ALK: variants seen among roughly 807,000 people sequenced by gnomAD.
ALK encodes ALK receptor tyrosine kinase, also known as ALK tyrosine kinase receptor.
Under a neutral mutation model 163.1 loss-of-function variants are expected in ALK, and 74 were observed. The observed-to-expected ratio is 0.45, with a 90% confidence interval of 0.38 to 0.55. The LOEUF (loss-of-function observed/expected upper bound fraction) is 0.55, where lower values mean the gene tolerates loss of function less well. Ranked by LOEUF, ALK falls within the 20% of genes least tolerant of loss-of-function variation. The pLI is 0.00. For synonymous variants in ALK, 960 were observed against 843.2 expected (o/e 1.14, Z -2.40); for missense variants, 2,063 against 2,105.3 (o/e 0.98, Z 0.39).
At chr2:29,760,708 T>C (rs1680676565) in intron 1 of ALK, among the ~76,000 whole-genome samples, 1 of 152,074 alleles carries the variant, frequency 6.6e-6, no homozygotes, top group African/African-American at 2.4e-5. Context: ...CTTACAGACA[T>C]TATTGTTGGG....
At chr2:29,674,658 A>G (rs1232883874) in intron 3 of ALK, among the ~76,000 whole-genome samples, 1 of 151,560 alleles carries the variant, frequency 6.6e-6, no homozygotes, top group Non-Finnish European at 1.5e-5. Flanking sequence ...TGTCTCTGCC[A>G]GGCTTTGGTA....
At chr2:29,904,126 T>G (rs1342147776) in intron 1 of ALK, among the ~76,000 whole-genome samples, 1 of 152,200 alleles carries the variant, frequency 6.6e-6, no homozygotes, top group African/African-American at 2.4e-5. Context: ...TTTTTAAATT[T>G]TCCTAGTTAG....
intron 4 of ALK, among the ~76,000 whole-genome samples, chr2:29,450,006 A>C (rs1670781608): frequency 6.6e-6 from 1 of 152,148 alleles, no homozygotes; most frequent in Admixed American, 6.5e-5. Context: ...ATAGGAAGAC[A>C]AAGTGTCAAA....
intron 1 of ALK, among the ~76,000 whole-genome samples, chr2:29,743,390 T>C (rs150819150): frequency 0.012 from 1,788 of 152,336 alleles, 8 homozygotes; most frequent in Non-Finnish European, 0.019. Context: ...CAGTCAGTTA[T>C]GTACATAAGA....
At chr2:29,252,838 T>A (rs529681436) in intron 11 of ALK, among the ~76,000 whole-genome samples, 197 of 152,080 alleles carry the variant, frequency 1.3e-3, no homozygotes, top group Middle Eastern at 6.8e-3. Flanking sequence ...TTTATTTATT[T>A]TTTTTTAGAC....
At chr2:29,407,835 T>C (rs1174199854) in intron 4 of ALK, among the ~76,000 whole-genome samples, 1 of 152,220 alleles carries the variant, frequency 6.6e-6, no homozygotes, top group Non-Finnish European at 1.5e-5. Flanking sequence ...TAGCTGCTCA[T>C]CGCATCACCT....
At chr2:29,708,130 C>T (rs565381677) in intron 2 of ALK, among the ~76,000 whole-genome samples, 9 of 152,252 alleles carry the variant, frequency 5.9e-5, no homozygotes, top group East Asian at 1.9e-4. Flanking sequence ...TGCAATGGTG[C>T]AGTCTCAGCT....
chr2:29,827,950 T>C (rs932580065), intron 1 of ALK, among the ~76,000 whole-genome samples: 7 of 152,202 alleles, frequency 4.6e-5, no homozygotes, highest in African/African-American at 1.4e-4. Flanking sequence ...AACAGCACGG[T>C]ACTGGTACCA....
At chr2:29,602,972 T>C (rs1675420296) in intron 3 of ALK, among the ~76,000 whole-genome samples, 1 of 152,194 alleles carries the variant, frequency 6.6e-6, no homozygotes, top group African/African-American at 2.4e-5. Flanking sequence ...AAGATATACA[T>C]TGATTCTGTC....
intron 3 of ALK, among the ~76,000 whole-genome samples, chr2:29,654,123 C>A (rs1377060430): frequency 6.6e-6 from 1 of 152,130 alleles, no homozygotes; most frequent in Non-Finnish European, 1.5e-5. Context: ...CACATTATGT[C>A]ACTGGCATAG....
chr2:29,287,026 C>CT (rs1359254733), intron 9 of ALK, among the ~76,000 whole-genome samples: 2 of 151,710 alleles, frequency 1.3e-5, no homozygotes, highest in African/African-American at 4.8e-5. Flanking sequence ...GGCCATGTGA[C>CT]TTTTTTTACA....
At chr2:29,891,406 C>T (rs1667141780) in intron 1 of ALK, among the ~76,000 whole-genome samples, 1 of 152,144 alleles carries the variant, frequency 6.6e-6, no homozygotes, top group African/African-American at 2.4e-5. Context: ...ATGTGGGTAA[C>T]ACTATGCATC....
At chr2:29,311,157 C>T (rs1382844050) in intron 8 of ALK, among the ~76,000 whole-genome samples, 9 of 152,212 alleles carry the variant, frequency 5.9e-5, no homozygotes, top group African/African-American at 2.2e-4. Context: ...GAGGTTTCAG[C>T]ACCAGGGTGA....
intron 13 of ALK, 122 bp from the exon 14 acceptor site, chr2:29,233,818 T>C: frequency 7.6e-7 from 1 of 1,310,470 alleles, no homozygotes; most frequent in Non-Finnish European, 1.1e-6. Context: ...ACAGTTGAGT[T>C]GAGGAGGCAG....
chr2:29,300,288 C>T (rs1244796238), intron 8 of ALK, among the ~76,000 whole-genome samples: 1 of 152,164 alleles, frequency 6.6e-6, no homozygotes, highest in East Asian at 1.9e-4. Flanking sequence ...GTGGCTCACA[C>T]CTGTAATCCC....
At chr2:29,880,103 A>G (rs1295878019) in intron 1 of ALK, among the ~76,000 whole-genome samples, 2 of 152,186 alleles carry the variant, frequency 1.3e-5, no homozygotes, top group Non-Finnish European at 2.9e-5. Flanking sequence ...GGGAAATGCC[A>G]TCTTTTCTGC....
intron 3 of ALK, among the ~76,000 whole-genome samples, chr2:29,649,339 C>G (rs562490641): frequency 1.3e-5 from 2 of 151,808 alleles, no homozygotes; most frequent in Non-Finnish European, 2.9e-5. Flanking sequence ...ACCTCACCAC[C>G]GACCTTTGTT....
intron 5 of ALK, among the ~76,000 whole-genome samples, chr2:29,356,935 C>T (rs888383425): frequency 6.6e-6 from 1 of 152,082 alleles, no homozygotes; most frequent in African/African-American, 2.4e-5. Flanking sequence ...CAGCCCATGA[C>T]TGCTCCACAT....
intron 1 of ALK, among the ~76,000 whole-genome samples, chr2:29,809,374 A>G (rs925855188): frequency 6.6e-6 from 1 of 152,194 alleles, no homozygotes; most frequent in Non-Finnish European, 1.5e-5. Context: ...GGCTTTCTGA[A>G]TGTCATCCTA....
Sources: allele counts gnomAD v4.1 joint callset (sites outside exome capture counted in the v4.1 genomes callset), GRCh38; gene constraint gnomAD v4.1.1; transcripts MANE v1.5; gene names NCBI Gene and HGNC (gene_info 2026-07-23, HGNC 2026-07-21).